The following SGCD variants were observed in gnomAD, a reference collection of about 807,000 sequenced individuals.
SGCD encodes delta-sarcoglycan.
Under a neutral mutation model 36.6 loss-of-function variants are expected in SGCD, and 18 were observed. The observed-to-expected ratio is 0.49, with a 90% CI of 0.34 to 0.73. The LOEUF (loss-of-function observed/expected upper bound fraction) is 0.73, where lower values mean the gene tolerates loss of function less well. Ranked by LOEUF, SGCD falls within the 30% of genes least tolerant of loss-of-function variation. The probability of loss-of-function intolerance (pLI) is 0.01; values close to 1 mark genes in which losing one functional copy is unlikely to be tolerated. For missense variants in SGCD, 387 were observed against 346.7 expected (o/e 1.12, Z -0.92); for synonymous variants, 133 against 130.6 (o/e 1.02, Z -0.12).
chr5:156,425,055 G>T (rs1504929), intron 3 of SGCD, among the ~76,000 whole-genome samples: 101,460 of 151,348 alleles, frequency 0.67, 34,593 homozygotes, highest in Middle Eastern at 0.88. Context: ...TTCTGAGAAT[G>T]CTGAGAAACT....
At chr5:156,645,202 G>A (rs1763182277) in intron 6 of SGCD, among the ~76,000 whole-genome samples, 1 of 152,054 alleles carries the variant, frequency 6.6e-6, no homozygotes, top group African/African-American at 2.4e-5. Context: ...AACATTTATT[G>A]CCAGTAAATT....
At chr5:156,274,696 G>T (rs1170631968) in intron 3 of SGCD, among the ~76,000 whole-genome samples, 2 of 152,134 alleles carry the variant, frequency 1.3e-5, no homozygotes, top group Non-Finnish European at 2.9e-5. Context: ...AGTTCTGGAG[G>T]TACAGTAAAA....
chr5:156,420,535 T>C (rs187906269), intron 3 of SGCD, among the ~76,000 whole-genome samples: 29 of 152,238 alleles, frequency 1.9e-4, no homozygotes, highest in African/African-American at 7.0e-4. Context: ...TGCCTGATAT[T>C]TCTGTATAAT....
chr5:156,256,905 G>A (rs763114172), intron 3 of SGCD, among the ~76,000 whole-genome samples: 29 of 152,124 alleles, frequency 1.9e-4, no homozygotes, highest in African/African-American at 3.1e-4. Context: ...GAGGCTGAGC[G>A]TGGTGGCTCA....
intron 1 of SGCD, among the ~76,000 whole-genome samples, chr5:156,081,819 C>T (rs1315168486): frequency 6.6e-6 from 1 of 152,094 alleles, no homozygotes; most frequent in Non-Finnish European, 1.5e-5. Flanking sequence ...GGAGAAAAAT[C>T]ATACAAATTT....
chr5:155,886,038 G>C (rs778919640), intron 1 of SGCD, among the ~76,000 whole-genome samples: 1 of 152,152 alleles, frequency 6.6e-6, no homozygotes, highest in Non-Finnish European at 1.5e-5. Context: ...GTGAGAAAAT[G>C]CTTACTTCTG....
chr5:155,994,503 T>C (rs1443973885), intron 1 of SGCD, among the ~76,000 whole-genome samples: 1 of 152,234 alleles, frequency 6.6e-6, no homozygotes, highest in Non-Finnish European at 1.5e-5. Context: ...TTGGTAACGA[T>C]GTGATGTTAT....
At chr5:156,169,818 A>G (rs1763299398) in intron 3 of SGCD, among the ~76,000 whole-genome samples, 1 of 151,984 alleles carries the variant, frequency 6.6e-6, no homozygotes, top group Admixed American at 6.6e-5. Context: ...GAAGGAGGCT[A>G]GTGTGGTTGG....
chr5:156,582,831 A>C (rs190814664), intron 4 of SGCD, among the ~76,000 whole-genome samples: 19 of 152,304 alleles, frequency 1.2e-4, no homozygotes, highest in Admixed American at 1.2e-3. Flanking sequence ...GCACACACAC[A>C]CACACACACA....
the SGCD span, among the ~76,000 whole-genome samples, chr5:155,757,842 T>C: frequency 6.6e-6 from 1 of 152,176 alleles, no homozygotes; most frequent in African/African-American, 2.4e-5. Flanking sequence ...TGGAAGGTAA[T>C]TGAATCATGG....
chr5:156,669,320 A>G (rs1196409983), intron 7 of SGCD, among the ~76,000 whole-genome samples: 2 of 152,122 alleles, frequency 1.3e-5, no homozygotes, highest in African/African-American at 4.8e-5. Flanking sequence ...ATTTCCTGGA[A>G]TCTGAATTTT....
chr5:156,539,673 G>A (rs113058338), intron 4 of SGCD, among the ~76,000 whole-genome samples: 1 of 152,070 alleles, frequency 6.6e-6, no homozygotes, highest in Non-Finnish European at 1.5e-5. Flanking sequence ...TGGGCACTGA[G>A]GTTGGTTCCA....
intron 4 of SGCD, among the ~76,000 whole-genome samples, chr5:156,513,762 A>C (rs924331475): frequency 4.3e-4 from 65 of 152,346 alleles, no homozygotes; most frequent in African/African-American, 1.5e-3. Context: ...ATCACTTAGG[A>C]AGATAAATTA....
At chr5:156,605,756 G>T (rs924014909) in intron 6 of SGCD, among the ~76,000 whole-genome samples, 78 of 152,286 alleles carry the variant, frequency 5.1e-4, no homozygotes, top group Non-Finnish European at 7.6e-4. Flanking sequence ...TTGTGTGAGA[G>T]GGTATCTCAT....
chr5:156,507,566 T>A (rs914895950), intron 3 of SGCD, among the ~76,000 whole-genome samples: 2 of 152,218 alleles, frequency 1.3e-5, no homozygotes, highest in Admixed American at 1.3e-4. Flanking sequence ...TAGGATATAG[T>A]CTTTCTAGAA....
At chr5:155,745,484 C>G in the SGCD span, among the ~76,000 whole-genome samples, 1 of 152,110 alleles carries the variant, frequency 6.6e-6, no homozygotes, top group Non-Finnish European at 1.5e-5. Context: ...CCTCATCAAT[C>G]TTATTAAAGG....
intron 3 of SGCD, among the ~76,000 whole-genome samples, chr5:156,195,706 G>T (rs1764009332): frequency 1.3e-5 from 2 of 152,200 alleles, no homozygotes; most frequent in Non-Finnish European, 2.9e-5. Flanking sequence ...TGATGCTGTG[G>T]CTGGGATTGG....
chr5:156,366,399 A>G (rs1298898665), intron 3 of SGCD, among the ~76,000 whole-genome samples: 1 of 152,222 alleles, frequency 6.6e-6, no homozygotes, highest in African/African-American at 2.4e-5. Flanking sequence ...TCAGGCATAG[A>G]TAGAAAGATT....
At chr5:156,281,095 A>T (rs983052012) in intron 3 of SGCD, among the ~76,000 whole-genome samples, 2 of 152,220 alleles carry the variant, frequency 1.3e-5, no homozygotes, top group African/African-American at 4.8e-5. Context: ...AGTGATGTTT[A>T]TACAGACATA....
Sources: gnomAD v4.1 joint callset for allele counts (sites outside exome capture counted in the v4.1 genomes callset) on GRCh38, gnomAD v4.1.1 for gene constraint, MANE v1.5 for transcripts, NCBI Gene and HGNC (gene_info 2026-07-23, HGNC 2026-07-21) for gene names.